Variants in EVL observed in about 807,000 individuals in gnomAD.
EVL encodes Enah/Vasp-like.
A neutral mutation model predicts 59.6 loss-of-function variants in EVL; 21 were observed. That is an observed-to-expected ratio of 0.35 (90% confidence interval 0.25 to 0.51). The LOEUF is 0.51. EVL is among the 20% of genes least tolerant of loss of function. EVL has a pLI of 0.97. For synonymous variants in EVL, 198 were observed against 203.5 expected (o/e 0.97, Z 0.23); for missense variants, 462 against 546.6 (o/e 0.85, Z 1.54).
chr14:99,996,778 A>AG (rs2060916773), intron 1 of EVL, among the ~76,000 whole-genome samples: 2 of 151,996 alleles, frequency 1.3e-5, no homozygotes, highest in Non-Finnish European at 1.5e-5. Context: ...CAGCCTCCAG[A>AG]GTGGCTGGGA....
At chr14:100,050,054 T>G (rs1176327470) in intron 1 of EVL, among the ~76,000 whole-genome samples, 1 of 152,164 alleles carries the variant, frequency 6.6e-6, no homozygotes, top group South Asian at 2.1e-4. Context: ...CGATCCTCGC[T>G]CAAGGGGACA....
rs1307207421 is a variant in EVL, at chr14:100,109,075, G to A, written c.358+11417G>A. ...AGGTCCTGTGGGACCATGTCCAGCA[G>A]TGAAGGCTGTGCATTGGCCTGAGCC... On this transcript the variant is annotated intron_variant, in intron 3 of 13. Coordinates refer to ENST00000392920, the MANE Select transcript of EVL (RefSeq NM_016337.3). This position sits in a 1 kb window ranked among gnomAD's most constrained non-coding sequence, Gnocchi z 4.3. Among the ~76,000 whole-genome samples, 1 of 152,170 alleles carries A rather than the reference G, an allele frequency of 6.6e-6. No individual in the cohort carries two copies. The highest frequency in any genetic ancestry group is 6.5e-5 in the Admixed American group (1 of 15,294).
At chr14:100,085,907 T>C (rs144374587) in intron 2 of EVL, among the ~76,000 whole-genome samples, 5,100 of 152,130 alleles carry the variant, frequency 0.034, 103 homozygotes, top group Non-Finnish European at 0.042. Flanking sequence ...GCGGGTGGAT[T>C]ACAAGGTCAG....
At chr14:100,014,431 A>T (rs2061036949) in intron 1 of EVL, among the ~76,000 whole-genome samples, 1 of 152,232 alleles carries the variant, frequency 6.6e-6, no homozygotes, top group African/African-American at 2.4e-5. Context: ...AATGACCTCC[A>T]GTCCATCCAT....
intron 13 of EVL, chr14:100,142,057 C>A (rs2140411265): frequency 2.8e-6 from 1 of 357,362 alleles, no homozygotes; most frequent in East Asian, 4.8e-5. Flanking sequence ...TCCTGGAAGA[C>A]CCACGTGGGA....
At chr14:100,067,272 C>G (rs1045451607) in intron 1 of EVL, among the ~76,000 whole-genome samples, 1 of 152,130 alleles carries the variant, frequency 6.6e-6, no homozygotes, top group South Asian at 2.1e-4. Flanking sequence ...ATGGGGATAC[C>G]GTGGCGCCTG....
intron 1 of EVL, among the ~76,000 whole-genome samples, chr14:99,983,845 C>T (rs953777832): frequency 1.3e-5 from 2 of 152,142 alleles, no homozygotes; most frequent in African/African-American, 4.8e-5. Flanking sequence ...TAGCTGAGGG[C>T]CCTTTCCTGT....
chr14:100,031,642 T>G (rs566913224), intron 1 of EVL, among the ~76,000 whole-genome samples: 1 of 152,338 alleles, frequency 6.6e-6, no homozygotes, highest in East Asian at 1.9e-4. Context: ...GACTAGTCAC[T>G]GGGCTCTTCA....
intron 1 of EVL, among the ~76,000 whole-genome samples, chr14:100,049,357 G>A (rs182678809): frequency 4.6e-5 from 7 of 152,328 alleles, no homozygotes; most frequent in Admixed American, 4.6e-4. Context: ...TTGCCTGGAA[G>A]CCAAAGAGCA....
At chr14:100,073,619 C>G (rs1595134029) in intron 1 of EVL, among the ~76,000 whole-genome samples, 1 of 151,998 alleles carries the variant, frequency 6.6e-6, no homozygotes, top group Non-Finnish European at 1.5e-5. Flanking sequence ...TGTGCCCGGC[C>G]CTTGTTTTAT....
intron 1 of EVL, among the ~76,000 whole-genome samples, chr14:100,071,172 AAAG>A (rs2062041418): frequency 6.6e-6 from 1 of 152,330 alleles, no homozygotes; most frequent in Non-Finnish European, 1.5e-5. Flanking sequence ...TTTGGATAGA[AAAG>A]AAGGTGTCAG....
At chr14:100,033,618 A>G (rs2061345905) in intron 1 of EVL, among the ~76,000 whole-genome samples, 1 of 152,218 alleles carries the variant, frequency 6.6e-6, no homozygotes, top group Non-Finnish European at 1.5e-5. Flanking sequence ...GTTTTATTGA[A>G]TAAGTGGCTC....
At chr14:100,079,566 G>A (rs894400760) in intron 1 of EVL, among the ~76,000 whole-genome samples, 1 of 152,124 alleles carries the variant, frequency 6.6e-6, no homozygotes, top group African/African-American at 2.4e-5. Flanking sequence ...CCTCTCTCTG[G>A]ACAGGTCTAC....
Position 99,972,228 on chromosome 14 carries a change from G to C in EVL, c.5+171G>C, listed in dbSNP as rs886396121. 6.6e-6 allele frequency among the ~76,000 whole-genome samples: 1 copy of C among 152,014 alleles called. No individual in the cohort carries two copies. The highest frequency in any genetic ancestry group is 1.5e-5 in the Non-Finnish European group (1 of 67,956). ...CGGGGGCATTCAGAGCGCGGGAATG[G>C]CTTCGCGAGAGCCGTGGGGGCGTCT... On this transcript the variant is annotated intron_variant, in intron 1 of 13. Coordinates refer to the EVL transcript ENST00000402714. This position sits in a 1 kb window ranked among gnomAD's most constrained non-coding sequence, Gnocchi z 4.4.
intron 1 of EVL, among the ~76,000 whole-genome samples, chr14:100,003,586 T>C (rs544907741): frequency 4.1e-4 from 63 of 152,106 alleles, no homozygotes; most frequent in Non-Finnish European, 4.4e-5. Context: ...CCGGCTAATT[T>C]TTGTATTTTT....
chr14:100,016,096 A>T (rs1208119208), intron 1 of EVL, among the ~76,000 whole-genome samples: 2 of 148,272 alleles, frequency 1.3e-5, no homozygotes, highest in Non-Finnish European at 3.0e-5. Flanking sequence ...AAAAAAAAAA[A>T]TTAATTATTT....
chr14:100,120,036 C>T (rs1887597046), intron 3 of EVL, among the ~76,000 whole-genome samples: 1 of 152,198 alleles, frequency 6.6e-6, no homozygotes, highest in East Asian at 1.9e-4. Context: ...CTGAAACTCA[C>T]AGCCCTGAGA....
At position 100,128,720 on chromosome 14, in the gene EVL, C is replaced by G; in HGVS notation, c.689C>G (p.Ala230Gly). ...ATGTCAGGACTGGCCGCTGCCATAG[C>G]TGGGGCCAAGCTGAGAAGAGTCCAA... ...SSMSGLAAAI[A>G]GAKLRRVQRP... The change falls in exon 6 of 14, where the codon GCT becomes GGT. Residue 230 changes from alanine to glycine, a missense_variant. Ala to Gly is a moderately conservative substitution (Grantham distance 60, BLOSUM62 0). Transcript: ENST00000392920. 6.2e-7 allele frequency: 1 copy of G among 1,606,824 alleles called. No homozygotes were observed. The highest frequency in any genetic ancestry group is 8.5e-7 in the Non-Finnish European group (1 of 1,179,486).
In EVL at chr14:100,103,615, C is replaced by T. The variant is rs144200454; in HGVS notation, c.358+5957C>T. Among the ~76,000 whole-genome samples the T allele has an allele frequency of 5.4e-3, 829 of 152,284 alleles. 9 individuals carry two copies. The highest frequency in any genetic ancestry group is 0.018 in the African/African-American group (767 of 41,550). On this transcript the variant is annotated intron_variant, in intron 3 of 13. Coordinates refer to ENST00000392920, the MANE Select transcript of EVL (RefSeq NM_016337.3). ...TCTCTGGGAAGACTTCTGTGGCCCCCCATGCCCACCCCAGGTGAGGATGAG... is the reference window on the plus strand; with the variant it reads ...TCTCTGGGAAGACTTCTGTGGCCCCTCATGCCCACCCCAGGTGAGGATGAG...
Sources: gnomAD v4.1 joint callset for allele counts (sites outside exome capture counted in the v4.1 genomes callset) on GRCh38, gnomAD v4.1.1 for gene constraint, Gnocchi (gnomAD v3.1) non-coding constraint, MANE v1.5 for transcripts, NCBI Gene and HGNC (gene_info 2026-07-23, HGNC 2026-07-21) for gene names.